The following STN1 variants were observed in gnomAD, a reference collection of about 807,000 sequenced individuals.
STN1 encodes the protein STN1 subunit of CST complex, also known as CST complex subunit STN1.
Under a neutral mutation model 45.5 loss-of-function variants are expected in STN1, and 29 were observed. That is an observed-to-expected ratio of 0.64 (90% CI 0.47 to 0.87). The LOEUF (loss-of-function observed/expected upper bound fraction) is 0.87. STN1 is among the 40% of genes least tolerant of loss of function. The pLI is 0.00. For synonymous variants in STN1, 148 were observed against 159.0 expected, an observed-to-expected ratio of 0.93 and a Z score of 0.52; for missense variants, 376 against 441.4, an observed-to-expected ratio of 0.85 and a Z score of 1.33.
intron 9 of STN1, among the ~76,000 whole-genome samples, chr10:103,887,644 A>C (rs1436866263): frequency 1.3e-5 from 2 of 152,060 alleles, no homozygotes; most frequent in Non-Finnish European, 2.9e-5. Context: ...AGCTCCTGGG[A>C]GTGTAGTAGT....
intron 3 of STN1, among the ~76,000 whole-genome samples, chr10:103,907,488 G>A (rs1335915411): frequency 2.0e-5 from 3 of 152,176 alleles, no homozygotes; most frequent in Non-Finnish European, 4.4e-5. Flanking sequence ...TACGTTGACT[G>A]TAAGCCTAAT....
At position 103,882,800 on chromosome 10, in the gene STN1, C is replaced by A. The variant is rs1564910318; in HGVS notation, c.991G>T (p.Ala331Ser). 1 of 1,614,068 alleles carries A rather than the reference C, an allele frequency of 6.2e-7. No individual in the cohort carries two copies. Among genetic ancestry groups the A allele is most frequent in the African/African-American group, 1.3e-5 (1 of 75,048 alleles). Reference sequence around the variant, plus strand: ...AGGCCCGGGCGGATGCTCAGGCGAGCACAGGCCAAGATGTGCAGGAAGTGA... The same window carrying A: ...AGGCCCGGGCGGATGCTCAGGCGAGAACAGGCCAAGATGTGCAGGAAGTGA... The part of the protein sequence containing the change: ...GCHFLHILAC[A>S]RLSIRPGLSE... Residue 331 changes from alanine (A) to serine (S), a missense_variant, in exon 10 of 10, where the codon GCT (alanine) becomes TCT (serine). Coordinates refer to ENST00000224950, the MANE Select transcript of STN1 (RefSeq NM_024928.5).
intron 9 of STN1, 55 bp downstream of exon 9, chr10:103,889,017 A>G: frequency 8.0e-7 from 1 of 1,253,852 alleles, no homozygotes; most frequent in Non-Finnish European, 1.2e-6. Flanking sequence ...GCTCCCCGGG[A>G]GACAGTATCC....
chr10:103,893,970 T>C (rs781708990), intron 7 of STN1, among the ~76,000 whole-genome samples: 39 of 152,204 alleles, frequency 2.6e-4, no homozygotes, highest in Non-Finnish European at 4.4e-4. Flanking sequence ...TGAGAAATAT[T>C]TGACAACTCC....
chr10:103,904,759 G>A (rs1484583336), intron 4 of STN1, among the ~76,000 whole-genome samples: 1 of 152,166 alleles, frequency 6.6e-6, no homozygotes, highest in African/African-American at 2.4e-5. Context: ...AGGGGATTCA[G>A]ACCTGACTTG....
At chr10:103,915,145 C>T (rs1239932542) in intron 2 of STN1, among the ~76,000 whole-genome samples, 2 of 152,220 alleles carry the variant, frequency 1.3e-5, no homozygotes, top group African/African-American at 2.4e-5. Context: ...TCCTTGACAC[C>T]TTGCCCCCTG....
At chr10:103,890,765 A>G (rs1263283002) in intron 8 of STN1, among the ~76,000 whole-genome samples, 1 of 152,198 alleles carries the variant, frequency 6.6e-6, no homozygotes, top group Non-Finnish European at 1.5e-5. Flanking sequence ...TAAAGAGGGG[A>G]GTCACTAGGG....
intron 4 of STN1, among the ~76,000 whole-genome samples, chr10:103,904,066 C>A (rs527689710): frequency 6.7e-6 from 1 of 150,188 alleles, no homozygotes; most frequent in African/African-American, 2.4e-5. Context: ...GATTCTGACA[C>A]GTAATGGCAA....
intron 2 of STN1, among the ~76,000 whole-genome samples, chr10:103,913,911 A>G (rs941897245): frequency 3.9e-5 from 6 of 152,008 alleles, no homozygotes; most frequent in Non-Finnish European, 5.9e-5. Flanking sequence ...GGCCCCCAAG[A>G]AGGAGGAGGG....
Position 103,877,752 on chromosome 10 carries a change from C to T in STN1, c.*4932G>A, listed in dbSNP as rs886297134. On this transcript the variant is annotated 3_prime_UTR_variant, in exon 10 of 10. Transcript: ENST00000224950. ...GAAATCATGCAAATAAGAACCACTGCAGAGTTCTTTGTCCACAGACACCAT... is the reference window on the plus strand; with the variant it reads ...GAAATCATGCAAATAAGAACCACTGTAGAGTTCTTTGTCCACAGACACCAT... 6 of 152,228 alleles carry T rather than the reference C, an allele frequency of 3.9e-5. No homozygotes were observed. Among genetic ancestry groups the T allele is most frequent in the Non-Finnish European group, 7.3e-5 (5 of 68,052 alleles). 9.4% of individuals were successfully genotyped at this position (152,228 alleles called of 1,614,324 possible).
intron 8 of STN1, among the ~76,000 whole-genome samples, chr10:103,890,885 G>A (rs1843135651): frequency 6.6e-6 from 1 of 152,196 alleles, no homozygotes; most frequent in African/African-American, 2.4e-5. Context: ...CTCTGGGAGA[G>A]CTGCACATAA....
chr10:103,882,735 C>T lies in STN1; in HGVS notation c.1056G>A (p.Glu352=), dbSNP rs1462149965. The T allele has an allele frequency of 2.5e-6, 4 of 1,614,068 alleles. No individual in the cohort carries two copies. Among genetic ancestry groups the T allele is most frequent in the South Asian group, 2.2e-5 (2 of 91,080 alleles). ...TTGTGCTGACAATGTCACTCTGGTCCTCCAGGAGCTCCAGAACTTGCTGCA... is the reference window on the plus strand; with the variant it reads ...TTGTGCTGACAATGTCACTCTGGTCTTCCAGGAGCTCCAGAACTTGCTGCA... ...AVLQQVLELL[E]DQSDIVSTME... Residue 352 remains glutamate (E), a synonymous_variant, in exon 10 of 10, where the codon GAG becomes GAA. Coordinates refer to ENST00000224950, the MANE Select transcript of STN1 (RefSeq NM_024928.5).
chr10:103,895,676 T>C (rs1009761247), intron 7 of STN1, among the ~76,000 whole-genome samples: 2 of 152,130 alleles, frequency 1.3e-5, no homozygotes, highest in African/African-American at 4.8e-5. Context: ...CCAGAAGAGA[T>C]AATTAGGAGC....
chr10:103,915,531 G>A (rs550791719), intron 2 of STN1, among the ~76,000 whole-genome samples: 1 of 152,172 alleles, frequency 6.6e-6, no homozygotes, highest in African/African-American at 2.4e-5. Context: ...AAGGGCAAAG[G>A]TCAGTGAAAT....
chr10:103,897,801 C>T lies in STN1; in HGVS notation c.582-82G>A, dbSNP rs1843181262. 3 of 1,381,620 alleles carry T rather than the reference C, an allele frequency of 2.2e-6. No individual in the cohort carries two copies. The Admixed American group carries it at 6.2e-5, about 28-fold the overall frequency. 85.6% of individuals were successfully genotyped at this position (1,381,620 alleles called of 1,614,324 possible). On this transcript the variant is annotated intron_variant, in intron 6 of 9. Transcript: ENST00000224950. ...TGGTGTATAAAAACCAGAAAATTAG[C>T]TAGAAAATGCAACACTATATTGGAG...
intron 4 of STN1, among the ~76,000 whole-genome samples, chr10:103,901,322 A>T (rs1696545854): frequency 6.6e-6 from 1 of 152,220 alleles, no homozygotes; most frequent in Admixed American, 6.5e-5. Context: ...CCTGGCCTCA[A>T]GCAATCCTCC....
intron 3 of STN1, among the ~76,000 whole-genome samples, chr10:103,905,703 A>G (rs938447474): frequency 1.1e-4 from 16 of 152,202 alleles, no homozygotes; most frequent in African/African-American, 3.1e-4. Flanking sequence ...TCTTTTGCCC[A>G]GTCCTCACCA....
Position 103,892,188 on chromosome 10 carries a change from A to G in STN1, c.818T>C (p.Leu273Pro). 1 of 1,612,616 alleles carries G rather than the reference A, an allele frequency of 6.2e-7. No homozygotes were observed. The highest frequency in any genetic ancestry group is 8.5e-7 in the Non-Finnish European group (1 of 1,179,170). ...GAAAACAAGTCCTTTTTCCTGCAGC[A>G]GTTGTATAGCATTCTTAAATATACT... Reference protein sequence around the residue: ...IHSIFKNAIQLLQEKGLVFQK... With the variant: ...IHSIFKNAIQPLQEKGLVFQK... The change falls in exon 8 of 10, where the codon CTG (leucine) becomes CCG (proline). Residue 273 changes from leucine (L) to proline (P), a missense_variant. Physicochemically the swap from Leu to Pro is moderately conservative, Grantham distance 98 (BLOSUM62 -3). Transcript: ENST00000224950.
chr10:103,899,888 A>G, intron 5 of STN1, 174 bp downstream of exon 5: 1 of 557,356 alleles, frequency 1.8e-6, no homozygotes, highest in Non-Finnish European at 3.1e-6. Flanking sequence ...CTTCAAAATA[A>G]AAGTAAGAAA....
Sources: allele counts gnomAD v4.1 joint callset (sites outside exome capture counted in the v4.1 genomes callset), GRCh38; gene constraint gnomAD v4.1.1; transcripts MANE v1.5; gene names NCBI Gene and HGNC (gene_info 2026-07-23, HGNC 2026-07-21).